The following AGFG2 variants were observed in gnomAD, a reference collection of about 807,000 sequenced individuals.
AGFG2 encodes the protein arf-GAP domain and FG repeat-containing protein 2.
AGFG2 carries 31 observed loss-of-function variants against 48.0 expected under a neutral mutation model. The ratio of observed to expected loss-of-function variants is 0.65; its 90% CI spans 0.49 to 0.87. The LOEUF (loss-of-function observed/expected upper bound fraction) is 0.87. Among genes scored for constraint, AGFG2 ranks in the 40% least tolerant of loss-of-function variants. The pLI is 0.00. For synonymous variants in AGFG2, 229 were observed against 260.8 expected, an observed-to-expected ratio of 0.88 and a Z score of 1.18; for missense variants, 599 against 632.6, an observed-to-expected ratio of 0.95 and a Z score of 0.57.
At chr7:100,548,420 C>A (rs745403399) in intron 1 of AGFG2, among the ~76,000 whole-genome samples, 1 of 152,148 alleles carries the variant, frequency 6.6e-6, no homozygotes. Context: ...TCAAGCGATA[C>A]TTGTGCCTTA....
In AGFG2 at chr7:100,563,939, C is replaced by T. The variant is rs200167830; in HGVS notation, c.1277C>T (p.Thr426Ile). 5 of 1,608,356 alleles carry T rather than the reference C, an allele frequency of 3.1e-6. No individual in the cohort carries two copies. The highest frequency in any genetic ancestry group is 4.2e-6 in the Non-Finnish European group (5 of 1,180,004). The change falls in exon 10 of 12, where the codon ACC becomes ATC. Residue 426 changes from threonine (T) to isoleucine (I), a missense_variant. Thr to Ile is a moderately conservative substitution (Grantham distance 89). Coordinates refer to ENST00000300176, the MANE Select transcript of AGFG2 (RefSeq NM_006076.5). ...CCAGCACCGCTGTTCCCCCCGCAGA[C>T]CCCGCTTGTTCAGCAGCAGAATGGT... The part of the protein sequence containing the change: ...SFPAPLFPPQ[T>I]PLVQQQNGSS...
intron 1 of AGFG2, among the ~76,000 whole-genome samples, chr7:100,546,199 T>C (rs1800508442): frequency 7.0e-6 from 1 of 142,124 alleles, no homozygotes; most frequent in Non-Finnish European, 1.5e-5. Flanking sequence ...ATAAACTCTT[T>C]TAGTCCAGGC....
chr7:100,549,119 A>T (rs1562791003), intron 2 of AGFG2, among the ~76,000 whole-genome samples: 1 of 152,120 alleles, frequency 6.6e-6, no homozygotes, highest in Non-Finnish European at 1.5e-5. Context: ...CCTTTTCAGG[A>T]GTCAGGGGAA....
chr7:100,562,623 C>A lies in AGFG2; in HGVS notation c.1028C>A (p.Pro343Gln). 11 of 1,612,642 alleles carry A rather than the reference C, an allele frequency of 6.8e-6. No individual in the cohort carries two copies. The highest frequency in any genetic ancestry group is 9.3e-6 in the Non-Finnish European group (11 of 1,179,970). ...TTCGGGATGGCTGGCCAGGTCCCCC[C>A]GCTCCAGTCTGTCACGATGGGCGGC... ...SLFGMAGQVP[P>Q]LQSVTMGGGG... is the part of the protein sequence containing the mutation. Residue 343 changes from proline to glutamine, a missense_variant, in exon 8 of 12, where the codon CCG becomes CAG. Coordinates refer to ENST00000300176, the MANE Select transcript of AGFG2 (RefSeq NM_006076.5). The surrounding 1 kb of genome is among the most constrained non-coding windows in gnomAD (Gnocchi z 5.4).
chr7:100,555,715 A>T lies in AGFG2; in HGVS notation c.857A>T (p.Gln286Leu), dbSNP rs767240118. ...SLPPAGQASF[Q>L]AQPTPAGSSQ... Reference sequence around the variant, plus strand: ...CCTCCAGCTGGTCAAGCCTCGTTCCAGGCCCAGCCAACTCCTGCAGGTAAA... The same window carrying T: ...CCTCCAGCTGGTCAAGCCTCGTTCCTGGCCCAGCCAACTCCTGCAGGTAAA... Residue 286 changes from glutamine to leucine, a missense_variant, in exon 6 of 12, where the codon CAG (glutamine) becomes CTG (leucine). Gln to Leu is a moderately radical substitution (Grantham distance 113). Transcript: ENST00000300176. 38 of 1,613,926 alleles carry T rather than the reference A, an allele frequency of 2.4e-5. No homozygotes were observed. The East Asian group carries it at 7.4e-4, about 31-fold the overall frequency.
rs2131130377 is a variant in AGFG2 at position 100,566,464 on chromosome 7, T to A, written c.*1473T>A. The A allele has an allele frequency of 6.6e-6, 1 of 152,406 alleles. No homozygotes were observed. The highest frequency in any genetic ancestry group is 3.4e-3 in the Middle Eastern group (1 of 294). The allele number at this position is 152,406 out of a possible 1,614,324, so 9.4% of individuals were successfully genotyped here. A position where few individuals can be genotyped will look rare whatever the true frequency, so the allele number is the denominator to read the frequency against. ...GCTGGGCAGAGGCCACCTTGCTGTT[T>A]GGCCCAAGGCCAGGTGAGGCCCCTC... On this transcript the variant is annotated 3_prime_UTR_variant, in exon 12 of 12. Coordinates refer to ENST00000300176, the MANE Select transcript of AGFG2 (RefSeq NM_006076.5).
intron 4 of AGFG2, 86 bp downstream of exon 4, chr7:100,553,586 G>A: frequency 6.8e-7 from 1 of 1,477,330 alleles, no homozygotes; most frequent in South Asian, 1.3e-5. Context: ...CCCGGACTTA[G>A]CAGACAACAG....
intron 2 of AGFG2, among the ~76,000 whole-genome samples, chr7:100,549,607 G>A (rs1033705377): frequency 6.6e-6 from 1 of 152,134 alleles, no homozygotes; most frequent in Non-Finnish European, 1.5e-5. Context: ...TAAACTCTGC[G>A]AGGACAGGAA....
chr7:100,560,808 C>CTTTTTTTTT (rs66837050), intron 6 of AGFG2, among the ~76,000 whole-genome samples: 3 of 112,838 alleles, frequency 2.7e-5, no homozygotes, highest in Non-Finnish European at 3.5e-5. Flanking sequence ...GAAGATCTCC[C>CTTTTTTTTT]TTTTTTTTTT....
rs373297543 is a variant in AGFG2 at position 100,551,030 on chromosome 7, T to TTATATATATATATATA, written c.431+541_431+556dup. Reference sequence around the variant, plus strand: ...GTGTGTGCCACCATGCCTGGCTAATTTATATATATATATATATATATATAT... The same window carrying TTATATATATATATATA: ...GTGTGTGCCACCATGCCTGGCTAATTTATATATATATATATATATATATATATATATATATATATAT... On this transcript the variant is annotated intron_variant, in intron 3 of 11. Coordinates refer to ENST00000300176, the MANE Select transcript of AGFG2 (RefSeq NM_006076.5). 4.9e-3 allele frequency among the ~76,000 whole-genome samples: 275 copies of TTATATATATATATATA among 55,894 alleles called. 1 individual carries two copies. The highest frequency in any genetic ancestry group is 5.6e-3 in the Non-Finnish European group (197 of 35,074). The allele number at this position is 55,894 out of a possible 152,430, so 36.7% of individuals were successfully genotyped here. A position where few individuals can be genotyped will look rare whatever the true frequency, so the allele number is the denominator to read the frequency against.
Position 100,551,463 on chromosome 7 carries a change from G to A in AGFG2, c.431+952G>A, listed in dbSNP as rs2406245. Among the ~76,000 whole-genome samples the A allele has an allele frequency of 3.0e-4, 45 of 149,750 alleles. No individual in the cohort carries two copies. In the East Asian group the frequency reaches 6.9e-3, roughly 23 times the overall value. On this transcript the variant is annotated intron_variant, in intron 3 of 11. Transcript: ENST00000300176. ...CAAATGATCTGCCTGCCTTGGCCTC[G>A]CAAAGTGCTGGGATTACAGGCGTGA...
chr7:100,549,001 T>G, intron 2 of AGFG2, 86 bp downstream of exon 2: 2 of 1,104,280 alleles, frequency 1.8e-6, no homozygotes, highest in South Asian at 2.6e-5. Context: ...CCTTACGGTT[T>G]TATTTTTGGT....
At chr7:100,559,818 CAAAAA>C (rs199577248) in intron 6 of AGFG2, among the ~76,000 whole-genome samples, 1 of 97,436 alleles carries the variant, frequency 1.0e-5, no homozygotes, top group African/African-American at 3.9e-5. Flanking sequence ...GACCCTGTCT[CAAAAA>C]AAAAAAAAAA....
At chr7:100,542,658 G>A (rs1471172355) in intron 1 of AGFG2, among the ~76,000 whole-genome samples, 1 of 152,166 alleles carries the variant, frequency 6.6e-6, no homozygotes, top group East Asian at 1.9e-4. Flanking sequence ...GGAGCTGGCA[G>A]GTGGGCTGTA....
chr7:100,546,435 C>T (rs543817341), intron 1 of AGFG2, among the ~76,000 whole-genome samples: 4 of 152,256 alleles, frequency 2.6e-5, no homozygotes, highest in Admixed American at 2.0e-4. Context: ...CTCTTCCTTC[C>T]GCAACTGCTG....
At chr7:100,553,579 G>A (rs1424165067) in intron 4 of AGFG2, 79 bp downstream of exon 4, 5 of 1,501,776 alleles carry the variant, frequency 3.3e-6, no homozygotes, top group East Asian at 2.3e-5. Flanking sequence ...CAGATTCCCC[G>A]GACTTAGCAG....
At chr7:100,547,653 C>G (rs752768674) in intron 1 of AGFG2, among the ~76,000 whole-genome samples, 7 of 152,204 alleles carry the variant, frequency 4.6e-5, no homozygotes, top group South Asian at 4.1e-4. Context: ...GACAAGGAAG[C>G]CTTCTCTTCT....
intron 1 of AGFG2, among the ~76,000 whole-genome samples, chr7:100,544,707 AGGGATGAGAAAAAGCTCGACGTGG>A (rs749555837): frequency 3.3e-4 from 35 of 107,284 alleles, no homozygotes; most frequent in Non-Finnish European, 5.6e-4. Context: ...AAATTACTAA[AGGGATGAGAAAAAGCTCGACGTGG>A]GGTGGTGGGC....
At position 100,562,468 on chromosome 7, in the gene AGFG2, G is replaced by T; in HGVS notation, c.998+89G>T. On this transcript the variant is annotated intron_variant, in intron 7 of 11. Coordinates refer to ENST00000300176, the MANE Select transcript of AGFG2 (RefSeq NM_006076.5). This position sits in a 1 kb window ranked among gnomAD's most constrained non-coding sequence, Gnocchi z 5.4. ...CCTCCCAGCCCCATCGGCATCTCCTGGCAGTTCTCCCCTCCCCTCCTCTCC... is the reference window on the plus strand; with the variant it reads ...CCTCCCAGCCCCATCGGCATCTCCTTGCAGTTCTCCCCTCCCCTCCTCTCC... 6.3e-7 allele frequency: 1 copy of T among 1,599,898 alleles called. No individual in the cohort carries two copies. The highest frequency in any genetic ancestry group is 2.2e-5 in the East Asian group (1 of 44,554).
Sources: gnomAD v4.1 joint callset for allele counts (sites outside exome capture counted in the v4.1 genomes callset) on GRCh38, gnomAD v4.1.1 for gene constraint, Gnocchi (gnomAD v3.1) non-coding constraint, MANE v1.5 for transcripts, NCBI Gene and HGNC (gene_info 2026-07-23, HGNC 2026-07-21) for gene names.